DRC7: variants seen among roughly 807,000 people sequenced by gnomAD.
DRC7 encodes dynein regulatory complex subunit 7.
In DRC7, 80 loss-of-function variants were observed where a neutral mutation model predicts 104.4. The ratio of observed to expected loss-of-function variants is 0.77; its 90% CI spans 0.64 to 0.92. The LOEUF (loss-of-function observed/expected upper bound fraction) is 0.92. DRC7 is among the 40% of genes least tolerant of loss of function. The pLI is 0.00. For synonymous variants in DRC7, 405 were observed against 447.3 expected (o/e 0.91, Z 1.19); for missense variants, 1,034 against 1,141.1 (o/e 0.91, Z 1.35).
In DRC7 at chr16:57,704,958, A is replaced by C. The variant is rs767075700; in HGVS notation, c.782A>C (p.Glu261Ala). The C allele has an allele frequency of 3.2e-5, 52 of 1,613,682 alleles. No individual in the cohort carries two copies. The highest frequency in any genetic ancestry group is 4.4e-5 in the Non-Finnish European group (52 of 1,179,958). ...PRDLCSRFEQ[E>A]QEVKKQQEIR... ...GACCTGTGCAGCAGGTTTGAGCAGG[A>C]GCAAGAGGTGAAGAAGCAGCAGGAG... The change falls in exon 7 of 19, where the codon GAG becomes GCG. Residue 261 changes from glutamate (E) to alanine (A), a missense_variant. Physicochemically the swap from Glu to Ala is moderately radical, Grantham distance 107. Coordinates refer to ENST00000360716, the MANE Select transcript of DRC7 (RefSeq NM_001289162.2).
In DRC7 at chr16:57,701,724, C is replaced by A. The variant is rs189514320; in HGVS notation, c.505-212C>A. ...CCTATCAGGAAGTCCATAGCCCCTT[C>A]AAATGACAGGCAAATGTGAATGGCA... is the stretch of plus-strand genomic sequence containing the variant. On this transcript the variant is annotated intron_variant, in intron 5 of 18. Transcript: ENST00000360716. 13 of 561,532 alleles carry A rather than the reference C, an allele frequency of 2.3e-5. No individual in the cohort carries two copies. The East Asian group carries it at 3.2e-4, about 14-fold the overall frequency. 34.8% of individuals were successfully genotyped at this position (561,532 alleles called of 1,614,324 possible).
chr16:57,727,463 C>A, intron 16 of DRC7, 54 bp downstream of exon 16: 1 of 1,361,394 alleles, frequency 7.3e-7, no homozygotes, highest in Non-Finnish European at 1.1e-6. Context: ...CCCCTGGTCT[C>A]CAGGGTGGTG....
chr16:57,695,528 A>C (rs1292644163), intron 1 of DRC7, among the ~76,000 whole-genome samples: 1 of 152,186 alleles, frequency 6.6e-6, no homozygotes, highest in Non-Finnish European at 1.5e-5. Context: ...AATGCCTTGT[A>C]ATGGTGATGA....
intron 1 of DRC7, among the ~76,000 whole-genome samples, chr16:57,695,144 T>C: frequency 6.6e-6 from 1 of 152,002 alleles, no homozygotes; most frequent in East Asian, 1.9e-4. Flanking sequence ...TAAAGTGCTG[T>C]GGGTTCTTCT....
Position 57,728,519 on chromosome 16 carries a change from T to C in DRC7, c.2326T>C (p.Cys776Arg), listed in dbSNP as rs200042804. 5 of 1,611,834 alleles carry C rather than the reference T, an allele frequency of 3.1e-6. No individual in the cohort carries two copies. In the African/African-American group the frequency reaches 6.7e-5, roughly 22 times the overall value. ...GCAGGCGGTGCGCCTCAAGGATGAG[T>C]GCCTCAGCGACTTCAAGCAGCGGCT... ...CWQAVRLKDE[C>R]LSDFKQRLIN... Residue 776 changes from cysteine to arginine, a missense_variant, in exon 17 of 19, where the codon TGC (cysteine) becomes CGC (arginine). Coordinates refer to ENST00000360716, the MANE Select transcript of DRC7 (RefSeq NM_001289162.2).
chr16:57,709,644 T>A (rs1439525111), intron 8 of DRC7, among the ~76,000 whole-genome samples: 1 of 152,248 alleles, frequency 6.6e-6, no homozygotes, highest in Non-Finnish European at 1.5e-5. Flanking sequence ...CCCCCCTTTT[T>A]AAAATTGAGG....
At chr16:57,695,192 C>T (rs1227391552) in intron 1 of DRC7, among the ~76,000 whole-genome samples, 1 of 121,688 alleles carries the variant, frequency 8.2e-6, no homozygotes, top group African/African-American at 2.6e-5. Context: ...GGGACTGACA[C>T]GTCGGCTTCC....
intron 8 of DRC7, chr16:57,713,976 G>T: frequency 4.8e-6 from 1 of 206,334 alleles, no homozygotes; most frequent in Non-Finnish European, 1.0e-5. Flanking sequence ...GTTGTTCACA[G>T]GCTTAACACC....
At chr16:57,728,327 A>C in intron 16 of DRC7, 63 bp from the exon 17 acceptor site, 9 of 1,442,234 alleles carry the variant, frequency 6.2e-6, no homozygotes, top group Non-Finnish European at 7.5e-6. Flanking sequence ...CTGCTGATGC[A>C]GAGCTGGTGG....
rs2048921566 is a variant in DRC7 at position 57,723,031 on chromosome 16, T to C, written c.1438T>C (p.Tyr480His). ...CTNILEIKEWYQNREDMLELK... is the reference protein window; with the variant it reads ...CTNILEIKEWHQNREDMLELK... ...CAATATTTTGGAGATAAAGGAGTGGTACCAGAACCGGGAAGACATGCTGGA... is the reference window on the plus strand; with the variant it reads ...CAATATTTTGGAGATAAAGGAGTGGCACCAGAACCGGGAAGACATGCTGGA... Residue 480 changes from tyrosine to histidine, a missense_variant, in exon 12 of 19, where the codon TAC becomes CAC. Coordinates refer to ENST00000360716, the MANE Select transcript of DRC7 (RefSeq NM_001289162.2). The C allele has an allele frequency of 2.5e-6, 4 of 1,613,826 alleles. No individual in the cohort carries two copies. Among genetic ancestry groups the C allele is most frequent in the Non-Finnish European group, 3.4e-6 (4 of 1,179,996 alleles).
chr16:57,706,222 ATCCATCCTCCCACCCACCCT>A (rs2048723767), intron 7 of DRC7, among the ~76,000 whole-genome samples: 1 of 112,938 alleles, frequency 8.9e-6, no homozygotes, highest in African/African-American at 3.5e-5. Flanking sequence ...CCTCCCATCC[ATCCATCCTCCCACCCACCCT>A]CCCATCCGTC....
chr16:57,703,200 C>CA (rs71152293), intron 6 of DRC7, among the ~76,000 whole-genome samples: 7,265 of 62,852 alleles, frequency 0.12, 718 homozygotes, highest in African/African-American at 0.17. Context: ...TTTTTAATAG[C>CA]AAAAAAAAAA....
intron 15 of DRC7, 164 bp downstream of exon 15, chr16:57,727,106 G>A (rs993209674): frequency 4.0e-5 from 26 of 648,230 alleles, no homozygotes; most frequent in East Asian, 3.8e-4. Flanking sequence ...GACCACTAGC[G>A]CACACCACCA....
In DRC7 at chr16:57,724,608, C is replaced by T. The variant is rs1363020838; in HGVS notation, c.1538-7C>T. On this transcript the variant is annotated splice_region_variant and splice_polypyrimidine_tract_variant and intron_variant, in intron 12 of 18. Coordinates refer to ENST00000360716, the MANE Select transcript of DRC7 (RefSeq NM_001289162.2). ...CTGTCTCCTCCCAACTCCCGCTCCC[C>T]ACCCAGTGCACTCGTACAAGTCCAT... 1 of 1,600,310 alleles carries T rather than the reference C, an allele frequency of 6.2e-7. No individual in the cohort carries two copies. Among genetic ancestry groups the T allele is most frequent in the Non-Finnish European group, 8.5e-7 (1 of 1,170,050 alleles).
At chr16:57,725,833 G>A in intron 13 of DRC7, 1 of 530,334 alleles carries the variant, frequency 1.9e-6, no homozygotes. Context: ...AGGTAGGCAA[G>A]CAGAGTCTTG....
At chr16:57,703,702 G>A (rs2048682731) in intron 6 of DRC7, among the ~76,000 whole-genome samples, 1 of 152,102 alleles carries the variant, frequency 6.6e-6, no homozygotes, top group African/African-American at 2.4e-5. Context: ...GCTCATTTTG[G>A]GAGGCTGTAA....
intron 17 of DRC7, 101 bp from the exon 18 acceptor site, chr16:57,730,830 A>G: frequency 2.3e-6 from 3 of 1,321,564 alleles, no homozygotes; most frequent in Non-Finnish European, 3.2e-6. Context: ...ACTGGGGCCA[A>G]CCGTCATGGT....
chr16:57,720,851 A>C (rs1481293378), intron 9 of DRC7, among the ~76,000 whole-genome samples: 7 of 152,190 alleles, frequency 4.6e-5, no homozygotes. Flanking sequence ...TTTGAGGACC[A>C]TTTATCTAGA....
intron 8 of DRC7, chr16:57,714,317 C>T: frequency 5.2e-6 from 1 of 191,554 alleles, no homozygotes; most frequent in Non-Finnish European, 1.1e-5. Context: ...ACTGGCCTAC[C>T]TCATCAATAC....
Sources: allele counts gnomAD v4.1 joint callset (sites outside exome capture counted in the v4.1 genomes callset), GRCh38; gene constraint gnomAD v4.1.1; transcripts MANE v1.5; gene names NCBI Gene and HGNC (gene_info 2026-07-23, HGNC 2026-07-21).